The following PC variants were observed in gnomAD, a reference collection of about 807,000 sequenced individuals.
PC encodes the protein pyruvate carboxylase, mitochondrial.
A neutral mutation model predicts 107.8 loss-of-function variants in PC; 46 were observed. The ratio of observed to expected loss-of-function variants is 0.43; its 90% CI spans 0.34 to 0.55. The LOEUF (loss-of-function observed/expected upper bound fraction) is 0.55. Ranked by LOEUF, PC falls within the 20% of genes least tolerant of loss-of-function variation. PC has a pLI of 0.04. For missense variants in PC, 1,241 were observed against 1,643.1 expected (o/e 0.76, Z 4.23); for synonymous variants, 662 against 684.7 (o/e 0.97, Z 0.52).
chr11:66,862,642 AG>A (rs1452133015), intron 12 of PC, among the ~76,000 whole-genome samples: 3 of 152,284 alleles, frequency 2.0e-5, no homozygotes, highest in African/African-American at 7.2e-5. Context: ...TGCCATTCTG[AG>A]GGTGGCTCCC....
chr11:66,934,122 C>T (rs949578552), intron 3 of PC, among the ~76,000 whole-genome samples: 5 of 152,106 alleles, frequency 3.3e-5, no homozygotes, highest in Non-Finnish European at 5.9e-5. Context: ...TGCCACTGTC[C>T]GGGGGCACCC....
At chr11:66,951,600 A>T (rs1290139702) in intron 3 of PC, among the ~76,000 whole-genome samples, 4 of 152,136 alleles carry the variant, frequency 2.6e-5, no homozygotes, top group Non-Finnish European at 5.9e-5. Context: ...TACTAAAAAT[A>T]CAAAAATTAG....
chr11:66,929,150 C>T (rs182844122), intron 3 of PC, among the ~76,000 whole-genome samples: 17 of 152,078 alleles, frequency 1.1e-4, no homozygotes, highest in African/African-American at 3.6e-4. Context: ...CATAAAGTAG[C>T]CTTCTGGGAC....
intron 3 of PC, among the ~76,000 whole-genome samples, chr11:66,896,865 C>G (rs555823675): frequency 6.6e-6 from 1 of 152,304 alleles, no homozygotes; most frequent in Admixed American, 6.5e-5. Context: ...ACTTCAGGAG[C>G]TGGTAACAGT....
rs751038272 is a variant in PC at position 66,871,743 on chromosome 11, C to T, written c.265G>A (p.Gly89Ser). ...AGGTAGGCCTGCACGGGGGCCAGGC[C>T]GCGGCCGATGAGATAGGCTTCATCT... ...KADEAYLIGRGLAPVQAYLHI... is the reference protein window; with the variant it reads ...KADEAYLIGRSLAPVQAYLHI... The change falls in exon 5 of 23, where the codon GGC becomes AGC. Residue 89 changes from glycine to serine, a missense_variant. By Grantham distance (56) the Gly-to-Ser change is moderately conservative. Around this residue, in one of 2 missense-constraint regions of PC, gnomAD observed 1,143 missense variants for 1,551.9 expected, o/e 0.74. Transcript: ENST00000393960. The surrounding 1 kb of genome is among the most constrained non-coding windows in gnomAD (Gnocchi z 7.4). The T allele has an allele frequency of 1.3e-5, 20 of 1,583,390 alleles. No individual in the cohort carries two copies. The East Asian group carries it at 2.1e-4, about 16-fold the overall frequency.
At chr11:66,895,575 A>G (rs1463582908) in intron 3 of PC, among the ~76,000 whole-genome samples, 1 of 152,244 alleles carries the variant, frequency 6.6e-6, no homozygotes, top group Non-Finnish European at 1.5e-5. Context: ...ACATTTTTAA[A>G]GAACCATTTG....
chr11:66,906,671 C>T (rs1948174293), intron 3 of PC, among the ~76,000 whole-genome samples: 1 of 152,108 alleles, frequency 6.6e-6, no homozygotes, highest in African/African-American at 2.4e-5. Flanking sequence ...ATGCACACTG[C>T]ATTTCTCCCC....
chr11:66,879,373 C>T (rs1947104329), intron 3 of PC, among the ~76,000 whole-genome samples: 1 of 152,252 alleles, frequency 6.6e-6, no homozygotes, highest in Non-Finnish European at 1.5e-5. Context: ...ATGCAGAAAC[C>T]TGTCCCCAAC....
intron 3 of PC, among the ~76,000 whole-genome samples, chr11:66,883,881 T>C (rs1378039942): frequency 6.6e-6 from 1 of 151,484 alleles, no homozygotes; most frequent in Non-Finnish European, 1.5e-5. Flanking sequence ...AGTCTAGGAG[T>C]TTGAGATCAG....
At chr11:66,898,256 C>G (rs1947828359) in intron 3 of PC, among the ~76,000 whole-genome samples, 1 of 152,230 alleles carries the variant, frequency 6.6e-6, no homozygotes, top group African/African-American at 2.4e-5. Context: ...GCGGTCACAG[C>G]CCGGTGGGAA....
chr11:66,882,974 A>G (rs1225023261), intron 3 of PC, among the ~76,000 whole-genome samples: 1 of 152,198 alleles, frequency 6.6e-6, no homozygotes, highest in East Asian at 1.9e-4. Context: ...ACAGACACAG[A>G]AGACAGGAGA....
intron 3 of PC, among the ~76,000 whole-genome samples, chr11:66,908,975 G>A (rs1460409555): frequency 2.0e-5 from 3 of 152,176 alleles, no homozygotes; most frequent in Non-Finnish European, 2.9e-5. Context: ...GCCCATGAAG[G>A]AAGGGGGCTA....
rs45549542 is a variant in PC at position 66,866,076 on chromosome 11, C to T, written c.1185+111G>A. On this transcript the variant is annotated intron_variant, in intron 11 of 22. Transcript: ENST00000393960. This position sits in a 1 kb window ranked among gnomAD's most constrained non-coding sequence, Gnocchi z 5.4. ...CTATGTCCACTTCAGAGCCCACATG[C>T]GGGTCCTCCCTAACTGCCGGGCTGT... 2.0e-3 allele frequency: 2,456 copies of T among 1,220,386 alleles called. 39 individuals carry two copies. The African/African-American group carries it at 0.031, about 15-fold the overall frequency. 75.6% of individuals were successfully genotyped at this position (1,220,386 alleles called of 1,614,324 possible).
At chr11:66,906,264 G>C (rs909754722) in intron 3 of PC, among the ~76,000 whole-genome samples, 2 of 152,094 alleles carry the variant, frequency 1.3e-5, no homozygotes, top group East Asian at 1.9e-4. Flanking sequence ...AGGCACTGTC[G>C]GTCATCAGAG....
At position 66,859,238 on chromosome 11, in the gene PC, G is replaced by C. The variant is rs1366082313; in HGVS notation, c.1368+4536C>G. 4 of 1,183,036 alleles carry C rather than the reference G, an allele frequency of 3.4e-6. No homozygotes were observed. The African/African-American group carries it at 6.3e-5, about 19-fold the overall frequency. The allele number at this position is 1,183,036 out of a possible 1,614,324, so 73.3% of individuals were successfully genotyped here. ...TGGCTGCTGGACTCTTGGAGGAGCAGTGGCCTGGCCTGGCCTGGCTGCCTG... is the reference window on the plus strand; with the variant it reads ...TGGCTGCTGGACTCTTGGAGGAGCACTGGCCTGGCCTGGCCTGGCTGCCTG... On this transcript the variant is annotated intron_variant, in intron 12 of 22. Coordinates refer to ENST00000393960, the MANE Select transcript of PC (RefSeq NM_001040716.2).
At chr11:66,875,241 T>C (rs1022854651) in intron 3 of PC, among the ~76,000 whole-genome samples, 1 of 67,184 alleles carries the variant, frequency 1.5e-5, no homozygotes, top group Non-Finnish European at 3.0e-5. Flanking sequence ...GGGGAAGCTA[T>C]GGGGGTCGGG....
At chr11:66,877,437 C>T (rs1947023386) in intron 3 of PC, among the ~76,000 whole-genome samples, 1 of 152,230 alleles carries the variant, frequency 6.6e-6, no homozygotes, top group South Asian at 2.1e-4. Flanking sequence ...CGCCTGTAAT[C>T]CCAACACTTT....
At chr11:66,920,440 A>G (rs2136089372) in intron 3 of PC, among the ~76,000 whole-genome samples, 1 of 152,270 alleles carries the variant, frequency 6.6e-6, no homozygotes, top group East Asian at 1.9e-4. Context: ...ATCTCGGATG[A>G]TAAAGCTGGG....
chr11:66,849,056 G>A lies in PC; in HGVS notation c.3380C>T (p.Ala1127Val), dbSNP rs200217380. 5 of 1,614,078 alleles carry A rather than the reference G, an allele frequency of 3.1e-6. No individual in the cohort carries two copies. Among genetic ancestry groups the A allele is most frequent in the Admixed American group, 1.7e-5 (1 of 60,026 alleles). The change falls in exon 23 of 23, where the codon GCA becomes GTA. Residue 1127 changes from alanine (A) to valine (V), a missense_variant. Transcript: ENST00000393960. ...PGKVIDIKVVAGAKVAKGQPL... is the reference protein window; with the variant it reads ...PGKVIDIKVVVGAKVAKGQPL... ...CTGGCCCTTGGCCACCTTGGCCCCTGCCACCACTTTGATGTCTATCACCTT... is the reference window on the plus strand; with the variant it reads ...CTGGCCCTTGGCCACCTTGGCCCCTACCACCACTTTGATGTCTATCACCTT...
Sources: allele counts gnomAD v4.1 joint callset (sites outside exome capture counted in the v4.1 genomes callset), GRCh38; gene constraint gnomAD v4.1.1; regional missense constraint gnomAD v4.1.1; non-coding constraint Gnocchi (gnomAD v3.1); transcripts MANE v1.5; gene names NCBI Gene and HGNC (gene_info 2026-07-23, HGNC 2026-07-21).